Variants in FHIT observed in about 807,000 individuals in gnomAD.
FHIT encodes the protein fragile histidine triad diadenosine triphosphatase, also known as bis(5'-adenosyl)-triphosphatase.
Under a neutral mutation model 17.9 loss-of-function variants are expected in FHIT, and 19 were observed. That is an observed-to-expected ratio of 1.06 (90% CI 0.74 to 1.56). The LOEUF (loss-of-function observed/expected upper bound fraction) is 1.56. FHIT is among the 40% of genes most tolerant of loss of function. FHIT has a pLI of 0.00. For synonymous variants in FHIT, 81 were observed against 69.7 expected, an observed-to-expected ratio of 1.16 and a Z score of -0.81; for missense variants, 248 against 189.2, an observed-to-expected ratio of 1.31 and a Z score of -1.82.
At chr3:60,569,748 TATATATA>T (rs1299115403) in intron 4 of FHIT, among the ~76,000 whole-genome samples, 4 of 72,754 alleles carry the variant, frequency 5.5e-5, no homozygotes, top group Middle Eastern at 8.1e-3. Context: ...TATATATATA[TATATATA>T]TTTTTTTTTT....
intron 4 of FHIT, among the ~76,000 whole-genome samples, chr3:60,805,184 C>T (rs1701339244): frequency 6.6e-6 from 1 of 152,200 alleles, no homozygotes; most frequent in Non-Finnish European, 1.5e-5. Context: ...TTGTATTTAA[C>T]TTGTCATCAA....
chr3:60,668,629 G>T (rs1422891645), intron 4 of FHIT, among the ~76,000 whole-genome samples: 2 of 133,984 alleles, frequency 1.5e-5, no homozygotes, highest in Non-Finnish European at 1.5e-5. Flanking sequence ...TGGCACGATC[G>T]CTTCTCACTG....
intron 7 of FHIT, among the ~76,000 whole-genome samples, chr3:59,977,924 G>C (rs1289226202): frequency 3.3e-5 from 5 of 152,100 alleles, no homozygotes; most frequent in African/African-American, 1.2e-4. Context: ...CTTTGTTTTA[G>C]TATCACTCTT....
At chr3:60,197,495 T>C (rs891422923) in intron 5 of FHIT, among the ~76,000 whole-genome samples, 7 of 152,176 alleles carry the variant, frequency 4.6e-5, no homozygotes, top group Non-Finnish European at 1.0e-4. Context: ...AGTTGTGAAG[T>C]GAAAACAAAA....
At position 60,819,073 on chromosome 3, in the gene FHIT, T is replaced by G. The variant is rs189270261; in HGVS notation, c.-18+2846A>C. On this transcript the variant is annotated intron_variant, in intron 4 of 9. Coordinates refer to ENST00000492590, the MANE Select transcript of FHIT (RefSeq NM_002012.4). The stretch of plus-strand genomic sequence containing the variant: ...TTTTTGTTTTTGGTCTTTTGGTACT[T>G]TATAGTTGATATCTGTGAGAATTTC... 3.0e-3 allele frequency among the ~76,000 whole-genome samples: 461 copies of G among 151,856 alleles called. 1 individual carries two copies. The highest frequency in any genetic ancestry group is 5.5e-3 in the Non-Finnish European group (371 of 67,942).
At chr3:61,142,318 T>C (rs2037108966) in intron 2 of FHIT, among the ~76,000 whole-genome samples, 1 of 151,654 alleles carries the variant, frequency 6.6e-6, no homozygotes, top group Non-Finnish European at 1.5e-5. Flanking sequence ...TTAAATTCCA[T>C]CTTTTATCTT....
intron 5 of FHIT, among the ~76,000 whole-genome samples, chr3:60,367,570 TG>T (rs1700160353): frequency 6.6e-6 from 1 of 152,238 alleles, no homozygotes; most frequent in Non-Finnish European, 1.5e-5. Context: ...TTGAAACACT[TG>T]ATGCCTTTAT....
intron 5 of FHIT, among the ~76,000 whole-genome samples, chr3:60,142,471 T>C (rs1700078580): frequency 6.7e-6 from 1 of 149,588 alleles, no homozygotes; most frequent in Non-Finnish European, 1.5e-5. Flanking sequence ...CCAGAAAAGA[T>C]GCCAGGCTAT....
intron 3 of FHIT, among the ~76,000 whole-genome samples, chr3:60,915,962 T>C (rs1408020840): frequency 1.3e-5 from 2 of 152,186 alleles, no homozygotes; most frequent in Non-Finnish European, 2.9e-5. Flanking sequence ...CTCTGTACCC[T>C]CTTCAACATA....
chr3:60,956,137 G>A (rs1553778763), intron 3 of FHIT, among the ~76,000 whole-genome samples: 1 of 152,150 alleles, frequency 6.6e-6, no homozygotes, highest in African/African-American at 2.4e-5. Flanking sequence ...TCCAAATAGA[G>A]TATTAATGAA....
At chr3:60,822,583 A>G (rs1165559451) in intron 3 of FHIT, among the ~76,000 whole-genome samples, 1 of 152,152 alleles carries the variant, frequency 6.6e-6, no homozygotes, top group Non-Finnish European at 1.5e-5. Context: ...TGTGTTTACT[A>G]CTTCTGTATC....
At chr3:60,633,847 G>A (rs1202542910) in intron 4 of FHIT, among the ~76,000 whole-genome samples, 1 of 152,224 alleles carries the variant, frequency 6.6e-6, no homozygotes, top group Non-Finnish European at 1.5e-5. Flanking sequence ...CGCCTCTGCG[G>A]ACACCAAGTC....
chr3:60,554,080 A>G (rs1348183289), intron 4 of FHIT, among the ~76,000 whole-genome samples: 1 of 152,170 alleles, frequency 6.6e-6, no homozygotes, highest in African/African-American at 2.4e-5. Context: ...TAACAAAGCA[A>G]GACTTCATCT....
intron 4 of FHIT, among the ~76,000 whole-genome samples, chr3:60,607,673 C>G (rs1018012766): frequency 2.0e-5 from 3 of 152,050 alleles, no homozygotes; most frequent in Non-Finnish European, 4.4e-5. Context: ...TCATTTCTCC[C>G]TTCAATTATT....
intron 4 of FHIT, among the ~76,000 whole-genome samples, chr3:60,810,072 G>A (rs1701525870): frequency 6.6e-6 from 1 of 152,186 alleles, no homozygotes; most frequent in Non-Finnish European, 1.5e-5. Flanking sequence ...CTGAAGCAGA[G>A]ATTTCGCAAG....
At chr3:60,786,171 T>G (rs199763385) in intron 4 of FHIT, among the ~76,000 whole-genome samples, 1 of 152,332 alleles carries the variant, frequency 6.6e-6, no homozygotes, top group Non-Finnish European at 1.5e-5. Context: ...GGCGTCCTTC[T>G]TCCTAACAAC....
At chr3:60,770,181 G>A (rs1699992825) in intron 4 of FHIT, among the ~76,000 whole-genome samples, 1 of 152,024 alleles carries the variant, frequency 6.6e-6, no homozygotes, top group African/African-American at 2.4e-5. Context: ...AGGGTTTCCT[G>A]GATAGAATTA....
chr3:60,943,711 A>G (rs550730104), intron 3 of FHIT, among the ~76,000 whole-genome samples: 1 of 152,326 alleles, frequency 6.6e-6, no homozygotes, highest in South Asian at 2.1e-4. Context: ...TGCATACCAT[A>G]GCAAGCATTG....
chr3:60,756,758 G>A (rs1699437090), intron 4 of FHIT, among the ~76,000 whole-genome samples: 1 of 152,164 alleles, frequency 6.6e-6, no homozygotes, highest in South Asian at 2.1e-4. Context: ...AAGAAAATGT[G>A]GAACAGAAAA....
Sources: allele counts gnomAD v4.1 joint callset (sites outside exome capture counted in the v4.1 genomes callset), GRCh38; gene constraint gnomAD v4.1.1; transcripts MANE v1.5; gene names NCBI Gene and HGNC (gene_info 2026-07-23, HGNC 2026-07-21).